The following ERO1A variants were observed in gnomAD, a reference collection of about 807,000 sequenced individuals.
ERO1A encodes endoplasmic reticulum oxidoreductase 1 alpha.
In ERO1A, 49 loss-of-function variants were observed where a neutral mutation model predicts 76.9. The observed-to-expected ratio is 0.64, with a 90% CI of 0.51 to 0.81. The LOEUF is 0.81. Ranked by LOEUF, ERO1A falls within the 30% of genes least tolerant of loss-of-function variation. The probability of loss-of-function intolerance (pLI) is 0.00; values close to 1 mark genes in which losing one functional copy is unlikely to be tolerated. For synonymous variants in ERO1A, 174 were observed against 181.2 expected (o/e 0.96, Z 0.32); for missense variants, 448 against 542.1 (o/e 0.83, Z 1.72).
intron 1 of ERO1A, among the ~76,000 whole-genome samples, chr14:52,688,673 AG>A (rs1179279630): frequency 1.3e-5 from 2 of 152,192 alleles, no homozygotes; most frequent in Non-Finnish European, 2.9e-5. Flanking sequence ...TGACATCTGT[AG>A]CCCCAATGGA....
intron 4 of ERO1A, among the ~76,000 whole-genome samples, chr14:52,673,959 A>C (rs2040695728): frequency 6.6e-6 from 1 of 152,174 alleles, no homozygotes; most frequent in Admixed American, 6.5e-5. Flanking sequence ...CACAATTATG[A>C]ATTATTTGTA....
intron 1 of ERO1A, among the ~76,000 whole-genome samples, chr14:52,688,696 G>A (rs543257253): frequency 5.9e-4 from 90 of 152,112 alleles, no homozygotes; most frequent in Non-Finnish European, 9.4e-4. Context: ...CAAAGAACTA[G>A]ATAACCAACA....
chr14:52,645,847 TACACACACACACACACAC>T (rs113770296), intron 15 of ERO1A, among the ~76,000 whole-genome samples: 3,610 of 145,218 alleles, frequency 0.025, 143 homozygotes, highest in African/African-American at 0.087. Context: ...CTACTAAAAA[TACACACACACACACACAC>T]ACACACACAC....
chr14:52,666,564 T>C, intron 6 of ERO1A, 69 bp from the exon 7 acceptor site: 1 of 1,322,388 alleles, frequency 7.6e-7, no homozygotes, highest in Non-Finnish European at 1.0e-6. Flanking sequence ...TACACAAGAC[T>C]GTATTCCATT....
chr14:52,694,869 T>G (rs1038097655), intron 1 of ERO1A, among the ~76,000 whole-genome samples: 5 of 152,080 alleles, frequency 3.3e-5, no homozygotes, highest in Non-Finnish European at 5.9e-5. Context: ...TAGTTGGGCT[T>G]ACACACAGAA....
At chr14:52,682,437 TAA>T in intron 2 of ERO1A, 29 bp from the exon 3 acceptor site, 1 of 1,505,298 alleles carries the variant, frequency 6.6e-7, no homozygotes, top group Non-Finnish European at 9.1e-7. Context: ...AAAAAAATTA[TAA>T]AAATCAGAAT....
intron 4 of ERO1A, 82 bp from the exon 5 acceptor site, chr14:52,671,953 CTTT>C: frequency 1.0e-6 from 1 of 975,514 alleles, no homozygotes; most frequent in Non-Finnish European, 1.5e-6. Context: ...ATCTGAAGCT[CTTT>C]TTATTTTTTT....
chr14:52,653,222 A>T lies in ERO1A; in HGVS notation c.902T>A (p.Leu301His). The T allele has an allele frequency of 6.2e-7, 1 of 1,613,132 alleles. No homozygotes were observed. Among genetic ancestry groups the T allele is most frequent in the Non-Finnish European group, 8.5e-7 (1 of 1,179,342 alleles). Residue 301 changes from leucine (L) to histidine (H), a missense_variant, in exon 12 of 16, where the codon CTT becomes CAT. By Grantham distance (99) the Leu-to-His change is moderately conservative. Coordinates refer to ENST00000395686, the MANE Select transcript of ERO1A (RefSeq NM_014584.3). ...TAAGTAGAGAAAATACAAGTTCTTA[A>T]GCCTTCTTGGACCTTCTCCTTCAGT... The part of the protein sequence containing the change: ...ILTEGEGPRR[L>H]KNLYFLYLIE...
rs2039417423 is a variant in ERO1A, at chr14:52,639,923, A to AATT, written c.*3644_*3646dup. 6.6e-6 allele frequency: 1 copy of AATT among 152,150 alleles called. No individual in the cohort carries two copies. The highest frequency in any genetic ancestry group is 1.5e-5 in the Non-Finnish European group (1 of 68,024). 9.4% of individuals were successfully genotyped at this position (152,150 alleles called of 1,614,324 possible). On this transcript the variant is annotated 3_prime_UTR_variant, in exon 16 of 16. Coordinates refer to ENST00000395686, the MANE Select transcript of ERO1A (RefSeq NM_014584.3). ...AAAAACCACACCAAATCTTGAATACAATTTCAGCTTTATTGACCCCCTAAA... is the reference window on the plus strand; with the variant it reads ...AAAAACCACACCAAATCTTGAATACAATTATTTCAGCTTTATTGACCCCCTAAA...
intron 7 of ERO1A, among the ~76,000 whole-genome samples, chr14:52,664,994 G>GGT (rs1338019794): frequency 6.6e-6 from 1 of 151,946 alleles, no homozygotes; most frequent in African/African-American, 2.4e-5. Flanking sequence ...GGCCGGGCGT[G>GGT]GTGGCTCATG....
chr14:52,678,363 G>C, intron 4 of ERO1A, 71 bp downstream of exon 4: 1 of 1,226,914 alleles, frequency 8.2e-7, no homozygotes, highest in Non-Finnish European at 1.2e-6. Flanking sequence ...TGGGATAGTA[G>C]GTACAACGGA....
chr14:52,693,589 A>C (rs909746491), intron 1 of ERO1A, among the ~76,000 whole-genome samples: 1 of 151,976 alleles, frequency 6.6e-6, no homozygotes, highest in South Asian at 2.1e-4. Flanking sequence ...TCCTGGGCTC[A>C]CTCCATCCTG....
At chr14:52,679,652 C>T (rs564107791) in intron 3 of ERO1A, among the ~76,000 whole-genome samples, 43 of 152,192 alleles carry the variant, frequency 2.8e-4, no homozygotes, top group Admixed American at 2.5e-3. Context: ...CCTGCCTTGG[C>T]CTCCCAAAGT....
rs2039549083 is a variant in ERO1A, at chr14:52,643,646, ATT to A, written c.1347-18_1347-17del. The A allele has an allele frequency of 1.5e-6, 2 of 1,371,252 alleles. No homozygotes were observed. Among genetic ancestry groups the A allele is most frequent in the African/African-American group, 3.1e-5 (2 of 65,240 alleles). 84.9% of individuals were successfully genotyped at this position (1,371,252 alleles called of 1,614,324 possible). On this transcript the variant is annotated splice_polypyrimidine_tract_variant and intron_variant, in intron 15 of 15. Transcript: ENST00000395686. Reference sequence around the variant, plus strand: ...TGTAGAAATTCTGTAACCAAAAAATATTTCACTCAGAAACCATCTTAGATAAA... The same window carrying A: ...TGTAGAAATTCTGTAACCAAAAAATATCACTCAGAAACCATCTTAGATAAA...
At chr14:52,687,276 A>G (rs1447540895) in intron 1 of ERO1A, among the ~76,000 whole-genome samples, 1 of 151,824 alleles carries the variant, frequency 6.6e-6, no homozygotes, top group African/African-American at 2.4e-5. Context: ...AACTACAAAA[A>G]AAAATTAGCC....
In ERO1A at chr14:52,640,205, A is replaced by C. The variant is rs2039426512; in HGVS notation, c.*3365T>G. The C allele has an allele frequency of 6.6e-6, 1 of 152,230 alleles. No homozygotes were observed. The highest frequency in any genetic ancestry group is 1.5e-5 in the Non-Finnish European group (1 of 68,042). 9.4% of individuals were successfully genotyped at this position (152,230 alleles called of 1,614,324 possible). Reference sequence around the variant, plus strand: ...AAAATAAAACAATACAGTACGATTTAAGTGACATACAATAGAGGTAGGTTG... The same window carrying C: ...AAAATAAAACAATACAGTACGATTTCAGTGACATACAATAGAGGTAGGTTG... On this transcript the variant is annotated 3_prime_UTR_variant, in exon 16 of 16. Coordinates refer to ENST00000395686, the MANE Select transcript of ERO1A (RefSeq NM_014584.3).
chr14:52,673,834 C>A (rs1475834224), intron 4 of ERO1A, among the ~76,000 whole-genome samples: 1 of 152,068 alleles, frequency 6.6e-6, no homozygotes, highest in Non-Finnish European at 1.5e-5. Flanking sequence ...ACCTCCAGGA[C>A]TCAAGCAACC....
At chr14:52,690,459 G>A (rs1330107695) in intron 1 of ERO1A, among the ~76,000 whole-genome samples, 1 of 152,142 alleles carries the variant, frequency 6.6e-6, no homozygotes, top group Non-Finnish European at 1.5e-5. Flanking sequence ...AATGGGCAAG[G>A]GCCGGGCACA....
intron 1 of ERO1A, among the ~76,000 whole-genome samples, chr14:52,686,874 C>CA (rs5808687): frequency 0.023 from 3,115 of 134,778 alleles, 111 homozygotes; most frequent in African/African-American, 0.073. Flanking sequence ...GACTCCATCT[C>CA]AAAAAAAAAA....
Sources: gnomAD v4.1 joint callset for allele counts (sites outside exome capture counted in the v4.1 genomes callset) on GRCh38, gnomAD v4.1.1 for gene constraint, MANE v1.5 for transcripts, NCBI Gene and HGNC (gene_info 2026-07-23, HGNC 2026-07-21) for gene names.